The following STIM2 variants were observed in gnomAD, a reference collection of about 807,000 sequenced individuals.
STIM2 encodes the protein stromal interaction molecule 2.
STIM2 carries 31 observed loss-of-function variants against 85.8 expected under a neutral mutation model. The observed-to-expected ratio is 0.36, with a 90% CI of 0.27 to 0.49. STIM2 has a LOEUF of 0.49. Ranked by LOEUF, STIM2 falls within the 20% of genes least tolerant of loss-of-function variation. The pLI is 0.98. For missense variants in STIM2, 841 were observed against 927.6 expected, an observed-to-expected ratio of 0.91 and a Z score of 1.21; for synonymous variants, 356 against 331.1, an observed-to-expected ratio of 1.08 and a Z score of -0.82.
chr4:27,019,407 A>G lies in STIM2; in HGVS notation c.1763+1423A>G, dbSNP rs1377759561. On this transcript the variant is annotated intron_variant, in intron 11 of 11. Coordinates refer to ENST00000467087, the MANE Select transcript of STIM2 (RefSeq NM_020860.4). ...TTTCGTCTGTCTTTGCAGTATGATC[A>G]TAGTCACCAGCAAGATGCCTTTACT... is the stretch of plus-strand genomic sequence containing the variant. The G allele has an allele frequency of 3.1e-6, 4 of 1,289,502 alleles. No individual in the cohort carries two copies. In the South Asian group the frequency reaches 4.9e-5, roughly 16 times the overall value. 79.9% of individuals were successfully genotyped at this position (1,289,502 alleles called of 1,614,324 possible). A position where few individuals can be genotyped will look rare whatever the true frequency, so the allele number is the denominator to read the frequency against.
At chr4:26,920,258 G>T (rs1340004909) in intron 2 of STIM2, among the ~76,000 whole-genome samples, 1 of 152,060 alleles carries the variant, frequency 6.6e-6, no homozygotes, top group Non-Finnish European at 1.5e-5. Context: ...TAATTTATTG[G>T]CCAAGACAAG....
chr4:26,877,587 G>T (rs78824036), intron 1 of STIM2, among the ~76,000 whole-genome samples: 1 of 151,082 alleles, frequency 6.6e-6, no homozygotes, highest in Non-Finnish European at 1.5e-5. Flanking sequence ...CTAGAAATGC[G>T]TATACCTCCT....
intron 2 of STIM2, among the ~76,000 whole-genome samples, chr4:26,942,866 C>G (rs1725667718): frequency 6.6e-6 from 1 of 152,094 alleles, no homozygotes; most frequent in South Asian, 2.1e-4. Context: ...CTTTTACATA[C>G]CCTGTAACCG....
intron 1 of STIM2, among the ~76,000 whole-genome samples, chr4:26,878,374 C>G (rs1445285211): frequency 6.6e-6 from 1 of 152,068 alleles, no homozygotes; most frequent in Non-Finnish European, 1.5e-5. Flanking sequence ...TGTCCTTCCC[C>G]TAGCAGTAGT....
At position 26,871,237 on chromosome 4, in the gene STIM2, A is replaced by G. The variant is rs986947503; in HGVS notation, c.151+9868A>G. On this transcript the variant is annotated intron_variant, in intron 1 of 11. Coordinates refer to ENST00000467087, the MANE Select transcript of STIM2 (RefSeq NM_020860.4). ...GTTATCTCCATGAGTTAGTACATAT[A>G]ACAGAAATTTAGGATTGCTCTCAAA... Among the ~76,000 whole-genome samples, 6 of 152,278 alleles carry G rather than the reference A, an allele frequency of 3.9e-5. 1 individual carries two copies. In the Middle Eastern group the frequency reaches 0.01, roughly 259 times the overall value.
chr4:26,993,613 C>A (rs1727844054), intron 3 of STIM2, among the ~76,000 whole-genome samples: 1 of 152,074 alleles, frequency 6.6e-6, no homozygotes, highest in Non-Finnish European at 1.5e-5. Context: ...TCTTCACTCT[C>A]CCTTGATCTC....
chr4:26,910,504 A>G lies in STIM2; in HGVS notation c.152-9000A>G, dbSNP rs376394043. Among the ~76,000 whole-genome samples the G allele has an allele frequency of 3.9e-4, 59 of 152,154 alleles. 1 individual carries two copies. The South Asian group carries it at 0.012, about 32-fold the overall frequency. ...ATGCCACTGCACTCCAGCCTGGGTG[A>G]TGGAGTGAGACTGTCTCAAAAAAAC... On this transcript the variant is annotated intron_variant, in intron 1 of 11. Coordinates refer to ENST00000467087, the MANE Select transcript of STIM2 (RefSeq NM_020860.4).
At chr4:26,973,744 T>A (rs1040233108) in intron 3 of STIM2, among the ~76,000 whole-genome samples, 15 of 152,194 alleles carry the variant, frequency 9.9e-5, no homozygotes, top group Non-Finnish European at 1.5e-4. Context: ...TCTGTAGATG[T>A]CTATTAGGTC....
At chr4:26,862,033 AG>A (rs1722230094) in intron 1 of STIM2, among the ~76,000 whole-genome samples, 1 of 152,136 alleles carries the variant, frequency 6.6e-6, no homozygotes, top group South Asian at 2.1e-4. Flanking sequence ...AAACCTCAGC[AG>A]GTAACCAGAA....
chr4:26,913,972 A>C (rs1399631236), intron 1 of STIM2, among the ~76,000 whole-genome samples: 1 of 152,326 alleles, frequency 6.6e-6, no homozygotes, highest in South Asian at 2.1e-4. Flanking sequence ...GGAGAAGGCT[A>C]TCTTACATAG....
chr4:26,939,515 C>T (rs557013188), intron 2 of STIM2, among the ~76,000 whole-genome samples: 5 of 152,116 alleles, frequency 3.3e-5, no homozygotes, highest in South Asian at 4.1e-4. Flanking sequence ...AATATTTTGC[C>T]GGGATCCTGA....
At chr4:26,913,169 A>G (rs1724404765) in intron 1 of STIM2, among the ~76,000 whole-genome samples, 1 of 152,130 alleles carries the variant, frequency 6.6e-6, no homozygotes, top group Non-Finnish European at 1.5e-5. Context: ...CACTTTCATA[A>G]GGTCACTGAA....
rs1315085662 is a variant in STIM2, at chr4:27,022,589, T to A, written c.1834T>A (p.Leu612Ile). Residue 612 changes from leucine to isoleucine, a missense_variant, in exon 12 of 12, where the codon TTA becomes ATA. Leu to Ile is a conservative substitution (Grantham distance 5, BLOSUM62 2). Around this residue, in one of 3 missense-constraint regions of STIM2, gnomAD observed 293 missense variants for 284.5 expected, o/e 1.03. Transcript: ENST00000467087. ...CATTGGAAGGAAACAGTCTCCTCCT[T>A]TAAGCCTCGAGATATACCAAACATT... 3.1e-6 allele frequency: 5 copies of A among 1,613,278 alleles called. No homozygotes were observed. Among genetic ancestry groups the A allele is most frequent in the Non-Finnish European group, 4.2e-6 (5 of 1,179,360 alleles).
At chr4:26,890,756 G>A (rs1213333703) in intron 1 of STIM2, among the ~76,000 whole-genome samples, 3 of 150,404 alleles carry the variant, frequency 2.0e-5, no homozygotes, top group Admixed American at 6.6e-5. Flanking sequence ...CCCGGGAGGC[G>A]GAGCTTGCAG....
At chr4:26,933,796 A>G (rs1725291496) in intron 2 of STIM2, among the ~76,000 whole-genome samples, 1 of 151,920 alleles carries the variant, frequency 6.6e-6, no homozygotes, top group African/African-American at 2.4e-5. Flanking sequence ...TCCTGATATA[A>G]TTTTAAAATA....
At chr4:26,885,767 T>G (rs772135231) in intron 1 of STIM2, among the ~76,000 whole-genome samples, 1 of 143,540 alleles carries the variant, frequency 7.0e-6, no homozygotes, top group South Asian at 2.2e-4. Context: ...ACTGAAAATA[T>G]AGCATTCAGT....
At chr4:26,967,728 C>T (rs951758137) in intron 3 of STIM2, among the ~76,000 whole-genome samples, 9 of 152,058 alleles carry the variant, frequency 5.9e-5, no homozygotes, top group African/African-American at 2.2e-4. Context: ...TTCATTTTAT[C>T]TTCCTGGTCC....
At position 27,023,058 on chromosome 4, in the gene STIM2, C is replaced by A; in HGVS notation, c.*62C>A. Reference sequence around the variant, plus strand: ...CTGTAAACTATTATCCCCCACCCTCCACTCCCCACCTTTTTTTTGGTTTAA... The same window carrying A: ...CTGTAAACTATTATCCCCCACCCTCAACTCCCCACCTTTTTTTTGGTTTAA... On this transcript the variant is annotated 3_prime_UTR_variant, in exon 12 of 12. Transcript: ENST00000467087. 1 of 1,463,204 alleles carries A rather than the reference C, an allele frequency of 6.8e-7. No homozygotes were observed. The highest frequency in any genetic ancestry group is 9.2e-7 in the Non-Finnish European group (1 of 1,085,080). 90.6% of individuals were successfully genotyped at this position (1,463,204 alleles called of 1,614,324 possible).
intron 2 of STIM2, among the ~76,000 whole-genome samples, chr4:26,948,260 T>G (rs1330363010): frequency 1.3e-5 from 2 of 152,170 alleles, no homozygotes; most frequent in African/African-American, 4.8e-5. Context: ...AGAGCTTATT[T>G]TTTCCAGGTG....
Sources: gnomAD v4.1 joint callset for allele counts (sites outside exome capture counted in the v4.1 genomes callset) on GRCh38, gnomAD v4.1.1 for gene constraint, gnomAD v4.1.1 regional missense constraint, MANE v1.5 for transcripts, NCBI Gene and HGNC (gene_info 2026-07-23, HGNC 2026-07-21) for gene names.